CNST: variants seen among roughly 807,000 people sequenced by gnomAD.
The protein encoded by CNST is consortin, connexin sorting protein, also known as consortin.
Under a neutral mutation model 72.4 loss-of-function variants are expected in CNST, and 39 were observed. The ratio of observed to expected loss-of-function variants is 0.54; its 90% CI spans 0.42 to 0.70. The LOEUF is 0.70. Ranked by LOEUF, CNST falls within the 30% of genes least tolerant of loss-of-function variation. The pLI is 0.00. For missense variants in CNST, 871 were observed against 868.5 expected (o/e 1.00, Z -0.04); for synonymous variants, 332 against 320.1 (o/e 1.04, Z -0.40).
intron 1 of CNST, among the ~76,000 whole-genome samples, chr1:246,575,322 C>T (rs1211602513): frequency 6.6e-6 from 1 of 152,126 alleles, no homozygotes; most frequent in Non-Finnish European, 1.5e-5. Flanking sequence ...CCCAAATGTC[C>T]ATCAACTGAT....
At chr1:246,656,819 C>G (rs1666799642) in intron 9 of CNST, among the ~76,000 whole-genome samples, 1 of 151,856 alleles carries the variant, frequency 6.6e-6, no homozygotes, top group Non-Finnish European at 1.5e-5. Context: ...GTAGTCCCAG[C>G]TACAGGAGGC....
rs1665694720 is a variant in CNST at position 246,641,634 on chromosome 1, A to G, written c.819-115A>G. On this transcript the variant is annotated intron_variant, in intron 6 of 10. Transcript: ENST00000366513. The stretch of plus-strand genomic sequence containing the variant: ...TCAGCCGTGGAAATGTTCTGTGCTA[A>G]TATTAGAATCCAGAGAAGCTGTATT... 3 of 661,178 alleles carry G rather than the reference A, an allele frequency of 4.5e-6. No homozygotes were observed. The South Asian group carries it at 4.8e-5, about 11-fold the overall frequency. 41.0% of individuals were successfully genotyped at this position (661,178 alleles called of 1,614,324 possible).
intron 2 of CNST, among the ~76,000 whole-genome samples, chr1:246,609,265 T>A (rs1414115994): frequency 6.6e-6 from 1 of 152,196 alleles, no homozygotes; most frequent in Non-Finnish European, 1.5e-5. Flanking sequence ...GGTTAGCCAA[T>A]GACTGGAGGT....
intron 6 of CNST, among the ~76,000 whole-genome samples, chr1:246,641,243 A>T (rs1665670340): frequency 6.6e-6 from 1 of 152,186 alleles, no homozygotes; most frequent in Non-Finnish European, 1.5e-5. Context: ...TGTTTTGTGA[A>T]TATTATGAAT....
At chr1:246,655,409 T>TG (rs1291212977) in intron 9 of CNST, among the ~76,000 whole-genome samples, 1 of 152,342 alleles carries the variant, frequency 6.6e-6, no homozygotes, top group African/African-American at 2.4e-5. Flanking sequence ...TGGTACTCCC[T>TG]GGCCCAGCGG....
intron 2 of CNST, among the ~76,000 whole-genome samples, chr1:246,616,172 G>C (rs1663675183): frequency 6.6e-6 from 1 of 152,172 alleles, no homozygotes; most frequent in Non-Finnish European, 1.5e-5. Context: ...GTGAGATTTT[G>C]TAGGGAATTA....
chr1:246,583,296 A>G (rs1660916603), intron 1 of CNST, among the ~76,000 whole-genome samples: 1 of 152,118 alleles, frequency 6.6e-6, no homozygotes, highest in African/African-American at 2.4e-5. Flanking sequence ...ATTTTCTGTA[A>G]TGGAATTGGA....
At chr1:246,627,525 C>T (rs568034671) in intron 3 of CNST, among the ~76,000 whole-genome samples, 1 of 152,284 alleles carries the variant, frequency 6.6e-6, no homozygotes, top group African/African-American at 2.4e-5. Flanking sequence ...AACTGGGAAT[C>T]CTACTCAGGA....
intron 1 of CNST, among the ~76,000 whole-genome samples, chr1:246,585,687 ACACACACACACACACAC>A (rs1366717430): frequency 7.0e-6 from 1 of 143,336 alleles, no homozygotes; most frequent in African/African-American, 2.6e-5. Flanking sequence ...ACACACACAC[ACACACACACACACACAC>A]ACACACACTA....
chr1:246,647,238 C>A lies in CNST; in HGVS notation c.1037C>A (p.Thr346Lys). 6.2e-7 allele frequency: 1 copy of A among 1,614,156 alleles called. No homozygotes were observed. The highest frequency in any genetic ancestry group is 8.5e-7 in the Non-Finnish European group (1 of 1,180,050). ...SPCCHQMDVQ[T>K]DSPSLSVTAG... ...TGCTGTCATCAGATGGACGTGCAAA[C>A]AGATTCCCCAAGCCTTTCGGTAACT... Residue 346 changes from threonine (T) to lysine (K), a missense_variant, in exon 9 of 11, where the codon ACA becomes AAA. By Grantham distance (78) the Thr-to-Lys change is moderately conservative. Transcript: ENST00000366513.
At chr1:246,612,029 A>G (rs1293156518) in intron 2 of CNST, among the ~76,000 whole-genome samples, 1 of 152,248 alleles carries the variant, frequency 6.6e-6, no homozygotes, top group South Asian at 2.1e-4. Context: ...TTCCACTTAT[A>G]TAAGCTATGT....
At chr1:246,659,961 C>T (rs1032252363) in intron 9 of CNST, among the ~76,000 whole-genome samples, 1 of 152,114 alleles carries the variant, frequency 6.6e-6, no homozygotes, top group Non-Finnish European at 1.5e-5. Context: ...GCTGCCTGTC[C>T]CCGGAGTGAG....
intron 2 of CNST, among the ~76,000 whole-genome samples, chr1:246,618,887 A>C (rs1293925951): frequency 1.3e-5 from 2 of 152,148 alleles, no homozygotes; most frequent in East Asian, 1.9e-4. Flanking sequence ...CTCCTTTGGA[A>C]AGGGAGTCAT....
intron 10 of CNST, among the ~76,000 whole-genome samples, chr1:246,663,110 C>T (rs952392788): frequency 3.3e-5 from 5 of 151,986 alleles, no homozygotes; most frequent in Non-Finnish European, 7.4e-5. Flanking sequence ...GGGGAAGCCT[C>T]CTCCCAAGTC....
At chr1:246,618,084 AACTAGAAG>A (rs1252115247) in intron 2 of CNST, among the ~76,000 whole-genome samples, 1 of 152,204 alleles carries the variant, frequency 6.6e-6, no homozygotes, top group Non-Finnish European at 1.5e-5. Context: ...CCCAGAAAGG[AACTAGAAG>A]ATACTTGTAT....
chr1:246,578,820 T>C (rs925370812), intron 1 of CNST, among the ~76,000 whole-genome samples: 3 of 152,194 alleles, frequency 2.0e-5, no homozygotes, highest in Non-Finnish European at 4.4e-5. Flanking sequence ...CTGCCCTACA[T>C]ACCACAAGCA....
intron 1 of CNST, among the ~76,000 whole-genome samples, chr1:246,586,109 A>ATGTGTGTGTG (rs371447612): frequency 3.4e-3 from 421 of 122,128 alleles, no homozygotes; most frequent in African/African-American, 0.011. Context: ...ATATATATAT[A>ATGTGTGTGTG]TATGTGTGTG....
chr1:246,590,576 C>G (rs569756532), intron 1 of CNST, among the ~76,000 whole-genome samples: 1 of 152,142 alleles, frequency 6.6e-6, no homozygotes, highest in South Asian at 2.1e-4. Flanking sequence ...AGAGACTGTA[C>G]TTTACATGTT....
Position 246,566,491 on chromosome 1 carries a change from G to T in CNST, c.-224G>T. 5 of 443,372 alleles carry T rather than the reference G, an allele frequency of 1.1e-5. No homozygotes were observed. Among genetic ancestry groups the T allele is most frequent in the Non-Finnish European group, 2.0e-5 (5 of 249,264 alleles). The allele number at this position is 443,372 out of a possible 1,614,324, so 27.5% of individuals were successfully genotyped here. A position where few individuals can be genotyped will look rare whatever the true frequency, so the allele number is the denominator to read the frequency against. On this transcript the variant is annotated 5_prime_UTR_variant, in exon 1 of 11. Transcript: ENST00000366513. Reference sequence around the variant, plus strand: ...GCCGCCAGCCTCCAGCCGGCCAGCCGCGAGGGGTGCGCAGAGGGAGGCGGG... The same window carrying T: ...GCCGCCAGCCTCCAGCCGGCCAGCCTCGAGGGGTGCGCAGAGGGAGGCGGG...
Sources: allele counts gnomAD v4.1 joint callset (sites outside exome capture counted in the v4.1 genomes callset), GRCh38; gene constraint gnomAD v4.1.1; transcripts MANE v1.5; gene names NCBI Gene and HGNC (gene_info 2026-07-23, HGNC 2026-07-21).